The following TANC1 variants were observed in gnomAD, a reference collection of about 807,000 sequenced individuals.
TANC1 encodes tetratricopeptide repeat, ankyrin repeat and coiled-coil containing 1, also known as protein TANC1.
A neutral mutation model predicts 149.7 loss-of-function variants in TANC1; 77 were observed. The observed-to-expected ratio is 0.51, with a 90% CI of 0.43 to 0.62. TANC1 has a LOEUF of 0.62. Among genes scored for constraint, TANC1 ranks in the 20% least tolerant of loss-of-function variants. The pLI is 0.00. For synonymous variants in TANC1, 854 were observed against 925.0 expected (o/e 0.92, Z 1.39); for missense variants, 1,985 against 2,321.8 (o/e 0.85, Z 2.98).
At chr2:159,155,099 A>G (rs1393166213) in intron 7 of TANC1, among the ~76,000 whole-genome samples, 2 of 152,266 alleles carry the variant, frequency 1.3e-5, no homozygotes, top group African/African-American at 4.8e-5. Context: ...CAAACAAAGC[A>G]TCACTGAAAA....
chr2:159,016,461 A>T (rs1194483617), intron 2 of TANC1, among the ~76,000 whole-genome samples: 1 of 152,202 alleles, frequency 6.6e-6, no homozygotes, highest in African/African-American at 2.4e-5. Flanking sequence ...CACACAATTC[A>T]ACCCTAACAG....
chr2:159,100,120 A>G (rs1290917670), intron 4 of TANC1, among the ~76,000 whole-genome samples: 3 of 152,224 alleles, frequency 2.0e-5, no homozygotes, highest in African/African-American at 7.2e-5. Flanking sequence ...AGGTAATGCC[A>G]AGTGCAGAGA....
intron 19 of TANC1, among the ~76,000 whole-genome samples, chr2:159,215,197 G>A (rs983949999): frequency 3.9e-5 from 6 of 152,148 alleles, no homozygotes; most frequent in African/African-American, 9.7e-5. Flanking sequence ...TGCTGCCCAC[G>A]CTTACTCCCT....
chr2:158,973,578 G>A (rs1326244531), intron 1 of TANC1, among the ~76,000 whole-genome samples: 3 of 152,330 alleles, frequency 2.0e-5, no homozygotes, highest in Admixed American at 2.0e-4. Flanking sequence ...GAGGGAACCC[G>A]AATTGGCTTG....
intron 3 of TANC1, among the ~76,000 whole-genome samples, chr2:159,073,989 A>G (rs2149742678): frequency 6.6e-6 from 1 of 152,320 alleles, no homozygotes; most frequent in East Asian, 1.9e-4. Flanking sequence ...GTTGTCTTGC[A>G]GTTAATGAGG....
At chr2:159,207,675 G>T (rs1268337765) in intron 19 of TANC1, among the ~76,000 whole-genome samples, 1 of 125,668 alleles carries the variant, frequency 8.0e-6, no homozygotes, top group Non-Finnish European at 1.6e-5. Context: ...CTCCAGCCTG[G>T]GCGACTGAGC....
chr2:159,184,585 A>G (rs907501405), intron 14 of TANC1, among the ~76,000 whole-genome samples: 1 of 152,160 alleles, frequency 6.6e-6, no homozygotes, highest in Non-Finnish European at 1.5e-5. Context: ...GTGGCTCCCA[A>G]CTGACATGAA....
At chr2:159,126,703 T>G (rs2049485969) in intron 4 of TANC1, among the ~76,000 whole-genome samples, 1 of 152,234 alleles carries the variant, frequency 6.6e-6, no homozygotes, top group African/African-American at 2.4e-5. Flanking sequence ...TTAAGACAAT[T>G]CATTGCTTTT....
intron 19 of TANC1, among the ~76,000 whole-genome samples, chr2:159,208,169 A>G (rs1304257133): frequency 6.6e-6 from 1 of 152,250 alleles, no homozygotes; most frequent in Non-Finnish European, 1.5e-5. Flanking sequence ...AGCTCTCAGC[A>G]GTTGATACGT....
At chr2:159,122,448 G>GT (rs2048945346) in intron 4 of TANC1, among the ~76,000 whole-genome samples, 2 of 151,958 alleles carry the variant, frequency 1.3e-5, no homozygotes, top group Admixed American at 1.3e-4. Context: ...AATTTAATGT[G>GT]TTTTTTTAAA....
intron 4 of TANC1, among the ~76,000 whole-genome samples, chr2:159,108,235 G>A (rs1022990266): frequency 3.3e-5 from 5 of 152,200 alleles, no homozygotes; most frequent in South Asian, 2.1e-4. Flanking sequence ...CTGTCCAGGC[G>A]CTGAGCAAAA....
intron 3 of TANC1, among the ~76,000 whole-genome samples, chr2:159,090,248 A>T (rs951948324): frequency 3.9e-5 from 6 of 152,240 alleles, no homozygotes; most frequent in Non-Finnish European, 1.5e-5. Flanking sequence ...ATATACACAT[A>T]TACCCTCAAG....
Position 159,002,986 on chromosome 2 carries a change from C to T in TANC1, c.-16+1797C>T, listed in dbSNP as rs112525544. 2.2e-3 allele frequency among the ~76,000 whole-genome samples: 333 copies of T among 152,310 alleles called. 2 individuals are homozygous for T. Among genetic ancestry groups the T allele is most frequent in the African/African-American group, 7.4e-3 (309 of 41,562 alleles). On this transcript the variant is annotated intron_variant, in intron 2 of 26. Transcript: ENST00000263635. The stretch of plus-strand genomic sequence containing the variant: ...CATGCAGCAGTATGTCAGCTGTAAC[C>T]TCCAGGTGTAAATAGACCTTCATCA...
At chr2:159,095,897 C>A (rs960592306) in intron 3 of TANC1, among the ~76,000 whole-genome samples, 2 of 152,010 alleles carry the variant, frequency 1.3e-5, no homozygotes, top group African/African-American at 4.8e-5. Context: ...GTTTGTATCC[C>A]CTTTGAGCCT....
At chr2:158,970,359 G>C (rs918535522) in intron 1 of TANC1, among the ~76,000 whole-genome samples, 1 of 152,202 alleles carries the variant, frequency 6.6e-6, no homozygotes, top group African/African-American at 2.4e-5. Flanking sequence ...AGCTTCCTGG[G>C]TCAGCCTGGA....
At chr2:159,040,396 C>T (rs568797599) in intron 2 of TANC1, among the ~76,000 whole-genome samples, 1 of 152,158 alleles carries the variant, frequency 6.6e-6, no homozygotes, top group African/African-American at 2.4e-5. Context: ...TCAGGTATAC[C>T]AATCAAATGT....
intron 4 of TANC1, among the ~76,000 whole-genome samples, chr2:159,126,950 T>C (rs967535452): frequency 6.6e-6 from 1 of 152,248 alleles, no homozygotes; most frequent in Non-Finnish European, 1.5e-5. Context: ...TTTAGTACAG[T>C]GTGAGAACAG....
intron 19 of TANC1, among the ~76,000 whole-genome samples, chr2:159,213,303 G>A (rs1320183565): frequency 6.6e-6 from 1 of 152,106 alleles, no homozygotes; most frequent in Non-Finnish European, 1.5e-5. Context: ...GTGGCAGGAA[G>A]AGACTACAGC....
intron 4 of TANC1, among the ~76,000 whole-genome samples, chr2:159,126,286 A>T (rs2049447231): frequency 6.6e-6 from 1 of 152,196 alleles, no homozygotes; most frequent in South Asian, 2.1e-4. Flanking sequence ...GGACTTAACA[A>T]TTCCTGGGAA....
Sources: gnomAD v4.1 joint callset for allele counts (sites outside exome capture counted in the v4.1 genomes callset) on GRCh38, gnomAD v4.1.1 for gene constraint, MANE v1.5 for transcripts, NCBI Gene and HGNC (gene_info 2026-07-23, HGNC 2026-07-21) for gene names.